The following APAF1 variants were observed in gnomAD, a reference collection of about 807,000 sequenced individuals.
APAF1 encodes the protein apoptotic peptidase activating factor 1, also known as apoptotic protease-activating factor 1.
In APAF1, 91 loss-of-function variants were observed where a neutral mutation model predicts 152.4. The ratio of observed to expected loss-of-function variants is 0.60; its 90% CI spans 0.50 to 0.71. APAF1 has a LOEUF of 0.71. APAF1 is among the 30% of genes least tolerant of loss of function. The pLI, the probability that APAF1 is intolerant of heterozygous loss-of-function variation, is 0.00. For synonymous variants in APAF1, 484 were observed against 494.1 expected (o/e 0.98, Z 0.27); for missense variants, 1,283 against 1,472.0 (o/e 0.87, Z 2.10).
intron 20 of APAF1, among the ~76,000 whole-genome samples, chr12:98,709,467 G>A (rs75190853): frequency 0.037 from 5,564 of 152,242 alleles, 153 homozygotes; most frequent in Middle Eastern, 0.13. Context: ...ATGCCCTAAG[G>A]AGCACTGGAA....
At position 98,662,602 on chromosome 12, in the gene APAF1, A is replaced by G. The variant is rs753042213; in HGVS notation, c.823+34A>G. On this transcript the variant is annotated intron_variant, in intron 6 of 26. Coordinates refer to ENST00000551964, the MANE Select transcript of APAF1 (RefSeq NM_181861.2). Reference sequence around the variant, plus strand: ...TATTCGTTTACTTTTTAGTACCTTTATATTTAATTTAATTACATTTAAATA... The same window carrying G: ...TATTCGTTTACTTTTTAGTACCTTTGTATTTAATTTAATTACATTTAAATA... The G allele has an allele frequency of 2.4e-5, 38 of 1,601,902 alleles. No individual in the cohort carries two copies. The Admixed American group carries it at 5.3e-4, about 23-fold the overall frequency.
At chr12:98,669,667 T>G (rs2097677609) in intron 10 of APAF1, among the ~76,000 whole-genome samples, 1 of 152,232 alleles carries the variant, frequency 6.6e-6, no homozygotes, top group African/African-American at 2.4e-5. Flanking sequence ...ACAATTAGAT[T>G]GTTTAAGCAT....
chr12:98,713,743 T>A (rs117808368), intron 21 of APAF1, among the ~76,000 whole-genome samples: 2,968 of 152,330 alleles, frequency 0.019, 37 homozygotes, highest in Non-Finnish European at 0.031. Context: ...TTTTAACCAA[T>A]TACTTATGGC....
At position 98,734,560 on chromosome 12, in the gene APAF1, G is replaced by A. The variant is rs1180497549; in HGVS notation, c.*1994G>A. On this transcript the variant is annotated 3_prime_UTR_variant, in exon 27 of 27. Transcript: ENST00000551964. ...TGCATATTAGTATAACTGTGGGGTA[G>A]GTCGGGGAGAGGGTAAGGGAATAGA... 1 of 152,708 alleles carries A rather than the reference G, an allele frequency of 6.5e-6. No homozygotes were observed. Among genetic ancestry groups the A allele is most frequent in the East Asian group, 1.9e-4 (1 of 5,180 alleles). 9.5% of individuals were successfully genotyped at this position (152,708 alleles called of 1,614,324 possible).
intron 26 of APAF1, among the ~76,000 whole-genome samples, chr12:98,728,908 T>C (rs80143132): frequency 0.045 from 6,838 of 152,304 alleles, 494 homozygotes; most frequent in African/African-American, 0.15. Flanking sequence ...GTTTTTTTGA[T>C]GTATCTTTTA....
At chr12:98,710,179 G>GTTTTTT (rs71443529) in intron 20 of APAF1, among the ~76,000 whole-genome samples, 1 of 127,734 alleles carries the variant, frequency 7.8e-6, no homozygotes, top group African/African-American at 3.0e-5. Flanking sequence ...CGGCCTAAGG[G>GTTTTTT]TTTTTTTTTT....
At chr12:98,650,924 A>G (rs951373659) in intron 4 of APAF1, among the ~76,000 whole-genome samples, 6 of 152,206 alleles carry the variant, frequency 3.9e-5, no homozygotes, top group South Asian at 2.1e-4. Context: ...TCCAATTTAT[A>G]GGTTTAAAAG....
intron 23 of APAF1, 46 bp from the exon 24 acceptor site, chr12:98,723,593 G>A: frequency 1.3e-6 from 2 of 1,485,576 alleles, no homozygotes; most frequent in Non-Finnish European, 1.8e-6. Flanking sequence ...AATATAAAAT[G>A]TTCTTAAAAG....
At chr12:98,648,586 A>C (rs1370868258) in intron 2 of APAF1, 40 bp from the exon 3 acceptor site, 2 of 1,610,664 alleles carry the variant, frequency 1.2e-6, no homozygotes, top group Admixed American at 1.7e-5. Flanking sequence ...TGTTGCATAC[A>C]TATTCATTGT....
At chr12:98,703,202 A>G (rs2153336127) in intron 17 of APAF1, among the ~76,000 whole-genome samples, 169 bp from the exon 18 acceptor site, 1 of 152,332 alleles carries the variant, frequency 6.6e-6, no homozygotes, top group South Asian at 2.1e-4. Flanking sequence ...CAGTATTTTT[A>G]AAGTATATGT....
At chr12:98,667,012 G>A (rs2097673731) in intron 9 of APAF1, among the ~76,000 whole-genome samples, 1 of 151,722 alleles carries the variant, frequency 6.6e-6, no homozygotes, top group African/African-American at 2.4e-5. Context: ...TTTTATTATG[G>A]GTGATGTTAA....
chr12:98,724,075 A>G (rs1034678321), intron 24 of APAF1, among the ~76,000 whole-genome samples: 2 of 152,236 alleles, frequency 1.3e-5, no homozygotes, highest in East Asian at 1.9e-4. Context: ...TGACAATACA[A>G]TTTTAATATA....
At chr12:98,657,804 ATTC>A (rs1187103311) in intron 4 of APAF1, among the ~76,000 whole-genome samples, 1 of 152,192 alleles carries the variant, frequency 6.6e-6, no homozygotes, top group Non-Finnish European at 1.5e-5. Flanking sequence ...CAACTTTTCT[ATTC>A]TTCAGTTTCC....
intron 12 of APAF1, among the ~76,000 whole-genome samples, chr12:98,672,994 G>T (rs949282410): frequency 6.6e-6 from 1 of 151,686 alleles, no homozygotes; most frequent in African/African-American, 2.4e-5. Context: ...CAGACCTCAG[G>T]TGATCCACCC....
rs2097672523 is a variant in APAF1, at chr12:98,666,198, T to G, written c.1203T>G (p.Cys401Trp). 1 of 1,613,718 alleles carries G rather than the reference T, an allele frequency of 6.2e-7. No homozygotes were observed. ...KDVKVPTKVL[C>W]ILWDMETEEV... ...CTTACAACAATTCCTAGGTGTTATG[T>G]ATTCTCTGGGACATGGAAACTGAAG... Residue 401 changes from cysteine (C) to tryptophan (W), a missense_variant, in exon 9 of 27, where the codon TGT becomes TGG. Physicochemically the swap from Cys to Trp is radical, Grantham distance 215. Transcript: ENST00000551964.
chr12:98,665,280 T>TATATATATATATATA (rs1565863211), intron 7 of APAF1, among the ~76,000 whole-genome samples: 7 of 62,648 alleles, frequency 1.1e-4, no homozygotes, highest in African/African-American at 3.5e-4. Context: ...ATATATATAT[T>TATATATATATATATA]TTTTTTTTTT....
At chr12:98,658,900 A>G (rs1309023601) in intron 4 of APAF1, among the ~76,000 whole-genome samples, 2 of 152,254 alleles carry the variant, frequency 1.3e-5, no homozygotes, top group Non-Finnish European at 2.9e-5. Flanking sequence ...GACAAAGATC[A>G]TAAAACTTTA....
chr12:98,723,055 T>C, intron 22 of APAF1, 138 bp from the exon 23 acceptor site: 1 of 848,942 alleles, frequency 1.2e-6, no homozygotes. Flanking sequence ...ACCACAGTCT[T>C]CTCTCTTATT....
intron 17 of APAF1, among the ~76,000 whole-genome samples, chr12:98,702,296 A>G (rs1428543585): frequency 6.6e-6 from 1 of 151,784 alleles, no homozygotes; most frequent in Non-Finnish European, 1.5e-5. Context: ...CGATCTCCTG[A>G]CCTCGTGATC....
Sources: gnomAD v4.1 joint callset for allele counts (sites outside exome capture counted in the v4.1 genomes callset) on GRCh38, gnomAD v4.1.1 for gene constraint, MANE v1.5 for transcripts, NCBI Gene and HGNC (gene_info 2026-07-23, HGNC 2026-07-21) for gene names.